The following SPPL2B variants were observed in gnomAD, a reference collection of about 807,000 sequenced individuals.
SPPL2B encodes the protein signal peptide peptidase-like 2B.
SPPL2B carries 39 observed loss-of-function variants against 59.7 expected under a neutral mutation model. The ratio of observed to expected loss-of-function variants is 0.65; its 90% CI spans 0.51 to 0.85. The LOEUF (loss-of-function observed/expected upper bound fraction) is 0.85. Ranked by LOEUF, SPPL2B falls within the 40% of genes least tolerant of loss-of-function variation. The pLI is 0.00. For synonymous variants in SPPL2B, 419 were observed against 370.8 expected, an observed-to-expected ratio of 1.13 and a Z score of -1.49; for missense variants, 865 against 849.0, an observed-to-expected ratio of 1.02 and a Z score of -0.23.
At chr19:2,339,263 C>G (rs1968868138) in intron 5 of SPPL2B, 55 bp downstream of exon 5, 5 of 1,558,792 alleles carry the variant, frequency 3.2e-6, no homozygotes, top group Non-Finnish European at 4.3e-6. Context: ...CTGACACGGG[C>G]CGGGACGGCC....
At chr19:2,341,874 G>C in intron 8 of SPPL2B, 2 of 300,162 alleles carry the variant, frequency 6.7e-6, no homozygotes, top group South Asian at 5.4e-5. Context: ...AAGGCAGGAC[G>C]ATCACTTTGC....
In SPPL2B at chr19:2,339,948, T is replaced by C. The variant is rs749121237; in HGVS notation, c.724T>C (p.Tyr242His). ...CTGCTCCATGCTGGTGCTGCTCTAC[T>C]ATTTCTACGATCTCCTCGGTGCGCG... ...MCCSMLVLLYYFYDLLVYVVI... is the reference protein window; with the variant it reads ...MCCSMLVLLYHFYDLLVYVVI... The change falls in exon 6 of 15, where the codon TAT becomes CAT. Residue 242 changes from tyrosine to histidine, a missense_variant. By Grantham distance (83) the Tyr-to-His change is moderately conservative. Transcript: ENST00000613503. The C allele has an allele frequency of 1.3e-6, 2 of 1,557,336 alleles. No homozygotes were observed. The highest frequency in any genetic ancestry group is 2.4e-5 in the South Asian group (2 of 84,688).
intron 1 of SPPL2B, 81 bp from the exon 2 acceptor site, chr19:2,334,521 C>T: frequency 1.3e-6 from 2 of 1,511,830 alleles, no homozygotes; most frequent in Non-Finnish European, 1.8e-6. Context: ...GCGTCCTCCC[C>T]TCCTCGGGCC....
At position 2,353,205 on chromosome 19, in the gene SPPL2B, C is replaced by T; in HGVS notation, c.1775C>T (p.Ala592Val). 1.3e-6 allele frequency: 2 copies of T among 1,596,258 alleles called. No homozygotes were observed. The highest frequency in any genetic ancestry group is 1.7e-6 in the Non-Finnish European group (2 of 1,176,740). Residue 592 changes from alanine to valine, a missense_variant, in exon 15 of 15, where the codon GCC becomes GTC. By Grantham distance (64) the Ala-to-Val change is moderately conservative. Coordinates refer to ENST00000613503, the MANE Select transcript of SPPL2B (RefSeq NM_152988.3). ...CCGGTAACCCAGCCTGGCGCCTCGG[C>T]CTAGGGGAGGGGTGAGACGCTCGCT... ...PSPVTQPGAS[A>V]
At chr19:2,351,683 C>A in intron 14 of SPPL2B, 89 bp downstream of exon 14, 1 of 1,517,354 alleles carries the variant, frequency 6.6e-7, no homozygotes. Flanking sequence ...CAGCCACAGC[C>A]AGCCCTGCGG....
intron 3 of SPPL2B, 176 bp downstream of exon 3, chr19:2,337,801 G>A (rs1015833164): frequency 1.4e-5 from 9 of 644,726 alleles, no homozygotes; most frequent in African/African-American, 3.7e-5. Context: ...GAGTGTGGCC[G>A]TGGGGAGGGC....
At chr19:2,350,015 C>G (rs1389723527) in intron 13 of SPPL2B, among the ~76,000 whole-genome samples, 2 of 141,102 alleles carry the variant, frequency 1.4e-5, no homozygotes, top group African/African-American at 2.7e-5. Context: ...TTCTCTCCCT[C>G]GACACACACT....
intron 1 of SPPL2B, among the ~76,000 whole-genome samples, chr19:2,331,132 G>T (rs1306706022): frequency 6.6e-6 from 1 of 152,084 alleles, no homozygotes; most frequent in Non-Finnish European, 1.5e-5. Flanking sequence ...CACGGAGCCC[G>T]CTCCTCAGCA....
At chr19:2,350,281 C>G (rs1599255181) in intron 13 of SPPL2B, among the ~76,000 whole-genome samples, 2 of 150,434 alleles carry the variant, frequency 1.3e-5, no homozygotes, top group Non-Finnish European at 3.0e-5. Context: ...CGTTCTCTCT[C>G]TCCACACACT....
intron 11 of SPPL2B, 59 bp downstream of exon 11, chr19:2,344,483 G>C: frequency 6.4e-7 from 1 of 1,569,350 alleles, no homozygotes; most frequent in Non-Finnish European, 8.7e-7. Context: ...GCGCGGAGCG[G>C]ATAGGGCTCG....
intron 14 of SPPL2B, among the ~76,000 whole-genome samples, chr19:2,352,285 G>A (rs1969970523): frequency 6.6e-6 from 1 of 152,140 alleles, no homozygotes; most frequent in Admixed American, 6.5e-5. Flanking sequence ...AGCGCCTCTT[G>A]GAGTCCATGA....
At chr19:2,341,305 C>T (rs1430948829) in intron 8 of SPPL2B, 2 of 600,392 alleles carry the variant, frequency 3.3e-6, no homozygotes, top group African/African-American at 1.8e-5. Context: ...CTTTGTGGGG[C>T]ATCGCTGCCC....
In SPPL2B at chr19:2,353,337, C is replaced by G; in HGVS notation, c.*128C>G. 2 of 1,167,208 alleles carry G rather than the reference C, an allele frequency of 1.7e-6. No homozygotes were observed. Among genetic ancestry groups the G allele is most frequent in the Non-Finnish European group, 2.3e-6 (2 of 854,646 alleles). The allele number at this position is 1,167,208 out of a possible 1,614,324, so 72.3% of individuals were successfully genotyped here. The stretch of plus-strand genomic sequence containing the variant: ...AGGCCTGTGCCGTCCCCACCCGCCC[C>G]AACATGGTGCTCATCCTTGCCGAGA... On this transcript the variant is annotated 3_prime_UTR_variant, in exon 15 of 15. Coordinates refer to ENST00000613503, the MANE Select transcript of SPPL2B (RefSeq NM_152988.3).
In SPPL2B at chr19:2,345,299, C is replaced by T. The variant is rs1432321009; in HGVS notation, c.1323C>T (p.Ser441=). 1.2e-6 allele frequency: 2 copies of T among 1,613,112 alleles called. No homozygotes were observed. Among genetic ancestry groups the T allele is most frequent in the South Asian group, 2.2e-5 (2 of 91,086 alleles). The change falls in exon 13 of 15, where the codon TCC becomes TCT. Residue 441 remains serine (S), a synonymous_variant. Coordinates refer to ENST00000613503, the MANE Select transcript of SPPL2B (RefSeq NM_152988.3). The part of the protein sequence containing the change: ...YCHRFDIQVQ[S]SRVYFVACTI... ...ACAGGTTTGACATCCAGGTACAGTC[C>T]TCCAGGGTATACTTCGTGGCCTGCA...
intron 1 of SPPL2B, among the ~76,000 whole-genome samples, chr19:2,329,308 C>A (rs549551037): frequency 2.7e-4 from 41 of 152,344 alleles, no homozygotes; most frequent in African/African-American, 9.9e-4. Flanking sequence ...GATCCCCGCT[C>A]CATCTTTTAC....
At chr19:2,348,267 C>G (rs1471274108) in intron 13 of SPPL2B, among the ~76,000 whole-genome samples, 4 of 123,320 alleles carry the variant, frequency 3.2e-5, no homozygotes, top group Non-Finnish European at 6.9e-5. Context: ...CTCACGCACT[C>G]TTATTCGCCT....
At chr19:2,344,675 C>T (rs756292906) in intron 12 of SPPL2B, 23 bp downstream of exon 12, 27 of 1,476,700 alleles carry the variant, frequency 1.8e-5, no homozygotes, top group Middle Eastern at 1.8e-4. Flanking sequence ...GTGGAGCACA[C>T]GGGTCCACGC....
At chr19:2,328,970 T>A (rs1455079433) in intron 1 of SPPL2B, among the ~76,000 whole-genome samples, 195 bp downstream of exon 1, 1 of 152,118 alleles carries the variant, frequency 6.6e-6, no homozygotes, top group Admixed American at 6.5e-5. Context: ...GCTCCTCTCC[T>A]TTCCCCGCCT....
At chr19:2,338,303 G>A (rs1412456629) in intron 3 of SPPL2B, 2 of 158,210 alleles carry the variant, frequency 1.3e-5, no homozygotes, top group Non-Finnish European at 2.8e-5. Context: ...CGGAGGCCTG[G>A]TGCAGGGGCT....
Sources: allele counts gnomAD v4.1 joint callset (sites outside exome capture counted in the v4.1 genomes callset), GRCh38; gene constraint gnomAD v4.1.1; transcripts MANE v1.5; gene names NCBI Gene and HGNC (gene_info 2026-07-23, HGNC 2026-07-21).